The following CRIM1 variants were observed in gnomAD, a reference collection of about 807,000 sequenced individuals.
The protein encoded by CRIM1 is cysteine-rich motor neuron 1 protein.
In CRIM1, 32 loss-of-function variants were observed where a neutral mutation model predicts 116.4. That is an observed-to-expected ratio of 0.27 (90% CI 0.21 to 0.37). The LOEUF is 0.37. Among genes scored for constraint, CRIM1 ranks in the 10% least tolerant of loss-of-function variants. CRIM1 has a pLI of 1.00. For synonymous variants in CRIM1, 590 were observed against 509.2 expected, an observed-to-expected ratio of 1.16 and a Z score of -2.13; for missense variants, 1,331 against 1,354.8, an observed-to-expected ratio of 0.98 and a Z score of 0.28.
At chr2:36,449,152 C>T (rs1313014814) in intron 4 of CRIM1, among the ~76,000 whole-genome samples, 1 of 151,622 alleles carries the variant, frequency 6.6e-6, no homozygotes. Context: ...ATATGTTGGA[C>T]ACATGAAATT....
chr2:36,467,782 C>G (rs989779378), intron 5 of CRIM1, among the ~76,000 whole-genome samples: 1 of 152,108 alleles, frequency 6.6e-6, no homozygotes, highest in Non-Finnish European at 1.5e-5. Context: ...TTCTGGCCAT[C>G]AAAGTGAAAA....
Position 36,366,362 on chromosome 2 carries a change from C to T in CRIM1, c.331+9739C>T, listed in dbSNP as rs143551640. 2.2e-4 allele frequency among the ~76,000 whole-genome samples: 33 copies of T among 152,086 alleles called. No homozygotes were observed. The East Asian group carries it at 5.2e-3, about 24-fold the overall frequency. On this transcript the variant is annotated intron_variant, in intron 1 of 16. Transcript: ENST00000280527. ...CAAAATCAGAAAGATGTCAAAATAACACCCTAATTCAGACTATCCTGAGAA... is the reference window on the plus strand; with the variant it reads ...CAAAATCAGAAAGATGTCAAAATAATACCCTAATTCAGACTATCCTGAGAA...
At position 36,442,606 on chromosome 2, in the gene CRIM1, C is replaced by T. The variant is rs1222129766; in HGVS notation, c.749-9C>T. On this transcript the variant is annotated splice_polypyrimidine_tract_variant and intron_variant, in intron 3 of 16. Coordinates refer to ENST00000280527, the MANE Select transcript of CRIM1 (RefSeq NM_016441.3). Reference sequence around the variant, plus strand: ...CAATAAACGGTGCCTCTCTGTTTGCCCCTTTCAGTTTTCGGCGTGGACTGC... The same window carrying T: ...CAATAAACGGTGCCTCTCTGTTTGCTCCTTTCAGTTTTCGGCGTGGACTGC... 5.0e-6 allele frequency: 8 copies of T among 1,613,992 alleles called. No homozygotes were observed. The highest frequency in any genetic ancestry group is 1.6e-4 in the Middle Eastern group (1 of 6,084).
At chr2:36,372,377 G>T (rs1670002214) in intron 1 of CRIM1, among the ~76,000 whole-genome samples, 1 of 152,110 alleles carries the variant, frequency 6.6e-6, no homozygotes, top group South Asian at 2.1e-4. Flanking sequence ...GTGTGGAATT[G>T]TTTTTTCTGT....
intron 2 of CRIM1, among the ~76,000 whole-genome samples, chr2:36,411,991 C>T (rs1336924871): frequency 1.3e-5 from 2 of 152,184 alleles, no homozygotes; most frequent in Non-Finnish European, 2.9e-5. Context: ...TGTCTATCTG[C>T]TTCCCGCACA....
intron 2 of CRIM1, among the ~76,000 whole-genome samples, chr2:36,431,481 C>A (rs918809379): frequency 1.3e-5 from 2 of 152,088 alleles, no homozygotes; most frequent in African/African-American, 2.4e-5. Context: ...TGAAGTCTTT[C>A]TAAAAACATC....
At chr2:36,465,598 C>T (rs1677946192) in intron 5 of CRIM1, among the ~76,000 whole-genome samples, 1 of 152,126 alleles carries the variant, frequency 6.6e-6, no homozygotes, top group African/African-American at 2.4e-5. Context: ...TGGTTGCATC[C>T]TGTGATTTTT....
intron 2 of CRIM1, among the ~76,000 whole-genome samples, chr2:36,411,662 T>TTGTGTGTG (rs58015078): frequency 0.011 from 1,639 of 150,180 alleles, 20 homozygotes; most frequent in Middle Eastern, 0.014. Context: ...ATCTTATTCT[T>TTGTGTGTG]TGTGTGTGTG....
At chr2:36,401,904 T>G (rs1672432197) in intron 2 of CRIM1, among the ~76,000 whole-genome samples, 1 of 152,170 alleles carries the variant, frequency 6.6e-6, no homozygotes, top group Admixed American at 6.5e-5. Flanking sequence ...CTCATGGAGC[T>G]TAACTCCAAA....
At chr2:36,361,603 A>G (rs1460325583) in intron 1 of CRIM1, among the ~76,000 whole-genome samples, 1 of 152,214 alleles carries the variant, frequency 6.6e-6, no homozygotes, top group Non-Finnish European at 1.5e-5. Flanking sequence ...TAGCACAAGT[A>G]TATCATCCTT....
intron 8 of CRIM1, among the ~76,000 whole-genome samples, chr2:36,505,325 C>A (rs1020403917): frequency 6.6e-6 from 1 of 152,104 alleles, no homozygotes. Flanking sequence ...TGTAACAAAA[C>A]CAGTTTTACC....
At chr2:36,445,276 T>C (rs543600214) in intron 4 of CRIM1, among the ~76,000 whole-genome samples, 32 of 152,340 alleles carry the variant, frequency 2.1e-4, no homozygotes, top group African/African-American at 6.5e-4. Context: ...GTCCCCACTT[T>C]ATGGTGCGGT....
rs144261626 is a variant in CRIM1 at position 36,441,286 on chromosome 2, C to T, written c.534C>T (p.Arg178=). 2.1e-4 allele frequency: 342 copies of T among 1,614,204 alleles called. No homozygotes were observed. In the African/African-American group the frequency reaches 3.7e-3, roughly 18 times the overall value. The change falls in exon 3 of 17, where the codon CGC becomes CGT. Residue 178 remains arginine (R), a synonymous_variant. Transcript: ENST00000280527. Reference sequence around the variant, plus strand: ...AGAAGCCAGATTGCTCCAAGGCCCGCTGTGAAGTCCAGTTCTCTCCACGTT... The same window carrying T: ...AGAAGCCAGATTGCTCCAAGGCCCGTTGTGAAGTCCAGTTCTCTCCACGTT... ...EEEKPDCSKA[R]CEVQFSPRCP...
chr2:36,406,531 C>T (rs1054179285), intron 2 of CRIM1, among the ~76,000 whole-genome samples: 1 of 151,714 alleles, frequency 6.6e-6, no homozygotes, highest in African/African-American at 2.4e-5. Flanking sequence ...AGATCCTTTG[C>T]TCATGTCAGG....
rs140945383 is a variant in CRIM1 at position 36,506,425 on chromosome 2, A to C, written c.1502-3558A>C. 3.6e-3 allele frequency among the ~76,000 whole-genome samples: 551 copies of C among 152,174 alleles called. 3 individuals carry two copies. The highest frequency in any genetic ancestry group is 0.013 in the African/African-American group (536 of 41,512). Reference sequence around the variant, plus strand: ...CCATTGCTGTTTGAGGACCTGCTGTACTACAGCAAAGAAGTATGCAGTACT... The same window carrying C: ...CCATTGCTGTTTGAGGACCTGCTGTCCTACAGCAAAGAAGTATGCAGTACT... On this transcript the variant is annotated intron_variant, in intron 8 of 16. Coordinates refer to ENST00000280527, the MANE Select transcript of CRIM1 (RefSeq NM_016441.3).
intron 7 of CRIM1, among the ~76,000 whole-genome samples, chr2:36,482,876 C>A (rs1679525257): frequency 6.6e-6 from 1 of 152,178 alleles, no homozygotes; most frequent in African/African-American, 2.4e-5. Context: ...CTTATTGTGG[C>A]TGTTGTTACT....
chr2:36,426,162 T>A (rs1466419389), intron 2 of CRIM1, among the ~76,000 whole-genome samples: 2 of 152,186 alleles, frequency 1.3e-5, no homozygotes, highest in African/African-American at 4.8e-5. Flanking sequence ...ATGCTGTATT[T>A]GGCAATAGAT....
chr2:36,371,931 G>A (rs1024457856), intron 1 of CRIM1, among the ~76,000 whole-genome samples: 5 of 152,296 alleles, frequency 3.3e-5, no homozygotes, highest in African/African-American at 1.2e-4. Context: ...TCATGACTTG[G>A]TGATAGCAAA....
chr2:36,521,962 T>C, intron 12 of CRIM1, 130 bp from the exon 13 acceptor site: 1 of 691,326 alleles, frequency 1.4e-6, no homozygotes, highest in Non-Finnish European at 2.6e-6. Flanking sequence ...ACTTTCTGAT[T>C]TGTTACTGCG....
Sources: allele counts gnomAD v4.1 joint callset (sites outside exome capture counted in the v4.1 genomes callset), GRCh38; gene constraint gnomAD v4.1.1; transcripts MANE v1.5; gene names NCBI Gene and HGNC (gene_info 2026-07-23, HGNC 2026-07-21).